The following FUNDC2 variants were observed in gnomAD, a reference collection of about 807,000 sequenced individuals.
The protein encoded by FUNDC2 is FUN14 domain containing 2.
Under a neutral mutation model 15.6 loss-of-function variants are expected in FUNDC2, and 4 were observed. The observed-to-expected ratio is 0.26, with a 90% confidence interval of 0.13 to 0.59. FUNDC2 has a LOEUF of 0.59. FUNDC2 is among the 20% of genes least tolerant of loss of function. The pLI is 0.90. For missense variants in FUNDC2, 98 were observed against 149.7 expected, an observed-to-expected ratio of 0.65 and a Z score of 1.80; for synonymous variants, 44 against 56.9, an observed-to-expected ratio of 0.77 and a Z score of 1.02.
chrX:155,043,483 G>A (rs1221554744), intron 2 of FUNDC2, among the ~76,000 whole-genome samples: 17 of 111,469 alleles, frequency 1.5e-4, no homozygotes, highest in African/African-American at 5.6e-4. Flanking sequence ...TACTTCATTG[G>A]GTGCTAGATA....
At chrX:155,027,784 T>C (rs2073799556) in intron 1 of FUNDC2, among the ~76,000 whole-genome samples, 1 of 112,460 alleles carries the variant, frequency 8.9e-6, no homozygotes. Flanking sequence ...AGGTTATTTA[T>C]ACATCTATTG....
At chrX:155,046,874 A>G (rs2124195259) in intron 3 of FUNDC2, among the ~76,000 whole-genome samples, 1 of 112,526 alleles carries the variant, frequency 8.9e-6, no homozygotes, top group African/African-American at 3.2e-5. Context: ...TATTAAGCGG[A>G]TGTGATTTCA....
chrX:155,042,171 C>CTTTTTTTTT (rs1557289640), intron 2 of FUNDC2, among the ~76,000 whole-genome samples: 1 of 62,405 alleles, frequency 1.6e-5, no homozygotes, highest in African/African-American at 6.6e-5. Flanking sequence ...TTTTCTTTTT[C>CTTTTTTTTT]TATCTTTTTT....
chrX:155,034,420 A>G (rs187398180), intron 2 of FUNDC2, among the ~76,000 whole-genome samples: 75 of 112,409 alleles, frequency 6.7e-4, no homozygotes, highest in Non-Finnish European at 1.3e-3. Context: ...ACCACAGTAT[A>G]TCCAGTTGAT....
Position 155,057,502 on chromosome X carries a change from G to A in FUNDC2, c.*2830G>A, listed in dbSNP as rs1417635328. The stretch of plus-strand genomic sequence containing the variant: ...CGCTGTATATGGTCCGCAGAAACTT[G>A]ACTTGGAATGTGTTCGGGGTTTCAT... On this transcript the variant is annotated 3_prime_UTR_variant, in exon 5 of 5. Coordinates refer to ENST00000369498, the MANE Select transcript of FUNDC2 (RefSeq NM_023934.4). The A allele has an allele frequency of 2.7e-5, 3 of 111,908 alleles. No individual in the cohort carries two copies. The highest frequency in any genetic ancestry group is 5.6e-5 in the Non-Finnish European group (3 of 53,131). The allele number at this position is 111,908 out of a possible 1,213,427, so 9.2% of individuals were successfully genotyped here.
chrX:155,058,831 TAAAAG>T lies in FUNDC2; in HGVS notation c.*4165_*4169del, dbSNP rs1170758854. 8 of 110,760 alleles carry T rather than the reference TAAAAG, an allele frequency of 7.2e-5. No homozygotes were observed. In the East Asian group the frequency reaches 8.4e-4, roughly 12 times the overall value. The allele number at this position is 110,760 out of a possible 1,213,427, so 9.1% of individuals were successfully genotyped here. A position where few individuals can be genotyped will look rare whatever the true frequency, so the allele number is the denominator to read the frequency against. On this transcript the variant is annotated 3_prime_UTR_variant, in exon 5 of 5. Coordinates refer to ENST00000369498, the MANE Select transcript of FUNDC2 (RefSeq NM_023934.4). The stretch of plus-strand genomic sequence containing the variant: ...TCATGAATCTTAATACTTTTTTTTT[TAAAAG>T]AAAAGTGTCGCACTTTTTCACATTT...
At chrX:155,047,614 CAG>C (rs1443958794) in intron 3 of FUNDC2, among the ~76,000 whole-genome samples, 4 of 111,137 alleles carry the variant, frequency 3.6e-5, no homozygotes, top group Non-Finnish European at 7.5e-5. Context: ...GCTTGTGGAT[CAG>C]AGTCTCATGT....
chrX:155,026,910 G>C lies in FUNDC2; in HGVS notation c.-29G>C. On this transcript the variant is annotated 5_prime_UTR_variant, in exon 1 of 5. Transcript: ENST00000369498. ...ACTGCAAGCAGCCGCGGCGCGCCCG[G>C]CCCTCCCTCTTCCGCTGCCGCCGTG... 8.5e-7 allele frequency: 1 copy of C among 1,172,087 alleles called. No homozygotes were observed. Among genetic ancestry groups the C allele is most frequent in the South Asian group, 1.9e-5 (1 of 53,570 alleles).
intron 2 of FUNDC2, among the ~76,000 whole-genome samples, chrX:155,043,559 C>T (rs1557289794): frequency 8.9e-6 from 1 of 111,806 alleles, no homozygotes; most frequent in African/African-American, 3.3e-5. Flanking sequence ...ATCACTTGAT[C>T]TTTTTGGGTC....
chrX:155,037,443 A>G (rs781916639), intron 2 of FUNDC2, among the ~76,000 whole-genome samples: 1 of 111,025 alleles, frequency 9.0e-6, no homozygotes, highest in Non-Finnish European at 1.9e-5. Flanking sequence ...AGCCAAGGGA[A>G]GAGGCACATG....
rs1200501139 is a variant in FUNDC2, at chrX:155,057,389, A to G, written c.*2717A>G. On this transcript the variant is annotated 3_prime_UTR_variant, in exon 5 of 5. Transcript: ENST00000369498. ...GAGAGGCCTGCTTAGCTAGGCACGT[A>G]TTTTCTCCAGTAGCAGAGTCCAATG... 1 of 111,036 alleles carries G rather than the reference A, an allele frequency of 9.0e-6. No homozygotes were observed. Among genetic ancestry groups the G allele is most frequent in the African/African-American group, 3.3e-5 (1 of 30,630 alleles). 9.2% of individuals were successfully genotyped at this position (111,036 alleles called of 1,213,427 possible). A position where few individuals can be genotyped will look rare whatever the true frequency, so the allele number is the denominator to read the frequency against.
At chrX:155,030,245 A>G (rs1243465412) in intron 1 of FUNDC2, among the ~76,000 whole-genome samples, 1 of 108,758 alleles carries the variant, frequency 9.2e-6, no homozygotes, top group Non-Finnish European at 1.9e-5. Flanking sequence ...GAACTCCAGT[A>G]CAGTGCTGGG....
intron 2 of FUNDC2, among the ~76,000 whole-genome samples, chrX:155,037,928 G>T (rs1228227148): frequency 8.1e-5 from 9 of 110,591 alleles, no homozygotes; most frequent in African/African-American, 2.6e-4. Context: ...TCTTTTAATT[G>T]ACTAGTAAAA....
chrX:155,049,801 ATGTTT>A (rs1345713571), intron 3 of FUNDC2: 1 of 112,229 alleles, frequency 8.9e-6, no homozygotes, highest in Non-Finnish European at 1.9e-5. Flanking sequence ...CAGATCCTGT[ATGTTT>A]TATTTGATTT....
At chrX:155,029,713 A>G (rs2124183453) in intron 1 of FUNDC2, among the ~76,000 whole-genome samples, 1 of 104,603 alleles carries the variant, frequency 9.6e-6, no homozygotes, top group South Asian at 4.5e-4. Flanking sequence ...CGAGATTGTC[A>G]TTGCACTCCA....
At chrX:155,027,143 CGCG>C in intron 1 of FUNDC2, 72 bp downstream of exon 1, 1 of 995,307 alleles carries the variant, frequency 1.0e-6, no homozygotes, top group South Asian at 2.9e-5. Flanking sequence ...GGAAGGGCTC[CGCG>C]CCCGCCAGTC....
In FUNDC2 at chrX:155,055,315, G is replaced by C. The variant is rs2073890720; in HGVS notation, c.*643G>C. 1 of 295,288 alleles carries C rather than the reference G, an allele frequency of 3.4e-6. No individual in the cohort carries two copies. The highest frequency in any genetic ancestry group is 5.9e-6 in the Non-Finnish European group (1 of 169,971). 24.3% of individuals were successfully genotyped at this position (295,288 alleles called of 1,213,427 possible). On this transcript the variant is annotated 3_prime_UTR_variant, in exon 5 of 5. Coordinates refer to ENST00000369498, the MANE Select transcript of FUNDC2 (RefSeq NM_023934.4). ...AGGGTTTATTTATTGTAAAACAAGT[G>C]ATTTAGGTGGGAAAGGGAAGATTTT...
In FUNDC2 at chrX:155,059,687, A is replaced by G. The variant is rs945798299; in HGVS notation, c.*5015A>G. On this transcript the variant is annotated 3_prime_UTR_variant, in exon 5 of 5. Coordinates refer to ENST00000369498, the MANE Select transcript of FUNDC2 (RefSeq NM_023934.4). ...TTAAACTGACACAATCCTTTAAAAG[A>G]AGGAACTGATTTGAACCTTTCAAAA... The G allele has an allele frequency of 8.9e-6, 1 of 112,438 alleles. No individual in the cohort carries two copies. Among genetic ancestry groups the G allele is most frequent in the African/African-American group, 3.2e-5 (1 of 30,937 alleles). 9.3% of individuals were successfully genotyped at this position (112,438 alleles called of 1,213,427 possible). A position where few individuals can be genotyped will look rare whatever the true frequency, so the allele number is the denominator to read the frequency against.
chrX:155,050,235 G>A (rs2073875730), intron 3 of FUNDC2: 1 of 111,886 alleles, frequency 8.9e-6, no homozygotes. Flanking sequence ...TCTTTATCAA[G>A]TTGAGGAAGT....
Sources: allele counts gnomAD v4.1 joint callset (sites outside exome capture counted in the v4.1 genomes callset), GRCh38; gene constraint gnomAD v4.1.1; transcripts MANE v1.5; gene names NCBI Gene and HGNC (gene_info 2026-07-23, HGNC 2026-07-21).